Variants in CFAP61 observed in about 807,000 individuals in gnomAD.
CFAP61 encodes cilia and flagella associated protein 61, also known as cilia- and flagella-associated protein 61.
A neutral mutation model predicts 135.6 loss-of-function variants in CFAP61; 107 were observed. The ratio of observed to expected loss-of-function variants is 0.79; its 90% CI spans 0.67 to 0.93. The LOEUF (loss-of-function observed/expected upper bound fraction) is 0.93. CFAP61 is among the 40% of genes least tolerant of loss of function. CFAP61 has a pLI of 0.00. For synonymous variants in CFAP61, 575 were observed against 578.5 expected (o/e 0.99, Z 0.09); for missense variants, 1,507 against 1,556.2 (o/e 0.97, Z 0.53).
rs150337867 is a variant in CFAP61 at position 20,079,632 on chromosome 20, A to T, written c.566+4017A>T. ...GAGCGGGGCAGCATGTCTCTTAACGAAGTTCACCAAGAAGCAGATGAACTT... is the reference window on the plus strand; with the variant it reads ...GAGCGGGGCAGCATGTCTCTTAACGTAGTTCACCAAGAAGCAGATGAACTT... On this transcript the variant is annotated intron_variant, in intron 6 of 26. Transcript: ENST00000245957. Among the ~76,000 whole-genome samples, 880 of 152,274 alleles carry T rather than the reference A, an allele frequency of 5.8e-3. 6 individuals are homozygous for T. Among genetic ancestry groups the T allele is most frequent in the African/African-American group, 0.02 (828 of 41,546 alleles).
intron 26 of CFAP61, among the ~76,000 whole-genome samples, chr20:20,351,958 C>T (rs553864296): frequency 9.3e-5 from 14 of 151,116 alleles, no homozygotes; most frequent in South Asian, 2.1e-4. Flanking sequence ...AAAAAAAAAA[C>T]GGAAGGCATA....
chr20:20,150,370 G>A (rs2052300384), intron 9 of CFAP61, among the ~76,000 whole-genome samples: 1 of 152,138 alleles, frequency 6.6e-6, no homozygotes, highest in Admixed American at 6.5e-5. Context: ...GGCCAACACA[G>A]GGCAAGCTTA....
In CFAP61 at chr20:20,052,833, T is replaced by G. The variant is rs1568774648; in HGVS notation, c.-37+242T>G. On this transcript the variant is annotated intron_variant, in intron 1 of 26. Transcript: ENST00000245957. Reference sequence around the variant, plus strand: ...TGCGACGGGGCGAGCTGCCGCCCTTTTAGGCTGCAATGCCTCGAGCATTGC... The same window carrying G: ...TGCGACGGGGCGAGCTGCCGCCCTTGTAGGCTGCAATGCCTCGAGCATTGC... The G allele has an allele frequency of 3.7e-6, 4 of 1,088,380 alleles. No individual in the cohort carries two copies. In the South Asian group the frequency reaches 4.7e-5, roughly 13 times the overall value. The allele number at this position is 1,088,380 out of a possible 1,614,324, so 67.4% of individuals were successfully genotyped here. A position where few individuals can be genotyped will look rare whatever the true frequency, so the allele number is the denominator to read the frequency against.
intron 7 of CFAP61, among the ~76,000 whole-genome samples, chr20:20,091,397 T>C (rs1375991330): frequency 1.3e-5 from 2 of 152,156 alleles, no homozygotes; most frequent in Non-Finnish European, 2.9e-5. Context: ...TAAAGAAAGT[T>C]TATAACTACC....
At chr20:20,198,807 G>A (rs779615318) in intron 16 of CFAP61, among the ~76,000 whole-genome samples, 9 of 152,130 alleles carry the variant, frequency 5.9e-5, no homozygotes, top group South Asian at 2.1e-4. Context: ...TAGAAGGGCC[G>A]GGGCTATTTT....
intron 9 of CFAP61, among the ~76,000 whole-genome samples, chr20:20,148,873 G>T (rs577156492): frequency 6.6e-6 from 1 of 152,150 alleles, no homozygotes; most frequent in African/African-American, 2.4e-5. Flanking sequence ...TCTTATTCCA[G>T]TTCTCAGAAG....
chr20:20,066,614 G>A (rs1253432278), intron 2 of CFAP61, among the ~76,000 whole-genome samples: 1 of 152,128 alleles, frequency 6.6e-6, no homozygotes, highest in Non-Finnish European at 1.5e-5. Context: ...ACTCATAAGT[G>A]GGAGTTGTAC....
rs559052859 is a variant in CFAP61, at chr20:20,266,925, A to G, written c.2503+3795A>G. On this transcript the variant is annotated intron_variant, in intron 21 of 26. Transcript: ENST00000245957. Reference sequence around the variant, plus strand: ...AGGACAGTCTCTCATACATAGAAAGAGTTTCATAGAGGCTGCCATTAGCAT... The same window carrying G: ...AGGACAGTCTCTCATACATAGAAAGGGTTTCATAGAGGCTGCCATTAGCAT... Among the ~76,000 whole-genome samples the G allele has an allele frequency of 9.2e-5, 14 of 152,296 alleles. No homozygotes were observed. The South Asian group carries it at 2.7e-3, about 29-fold the overall frequency.
chr20:20,329,877 G>A (rs1011983954), intron 25 of CFAP61, among the ~76,000 whole-genome samples: 7 of 152,242 alleles, frequency 4.6e-5, no homozygotes, highest in African/African-American at 9.7e-5. Context: ...AAGTGATGGC[G>A]GAGCTCCCGC....
chr20:20,280,430 G>C (rs570481943), intron 22 of CFAP61, among the ~76,000 whole-genome samples: 1 of 152,110 alleles, frequency 6.6e-6, no homozygotes, highest in Non-Finnish European at 1.5e-5. Flanking sequence ...CCCAGTTTGT[G>C]GTACTTCATT....
chr20:20,329,704 G>A (rs1053501032), intron 25 of CFAP61, among the ~76,000 whole-genome samples: 2 of 152,172 alleles, frequency 1.3e-5, no homozygotes, highest in African/African-American at 4.8e-5. Context: ...CCCCCACCTT[G>A]CATCCGACTG....
intron 6 of CFAP61, among the ~76,000 whole-genome samples, chr20:20,079,674 AC>A (rs1844363839): frequency 6.6e-6 from 1 of 152,220 alleles, no homozygotes; most frequent in South Asian, 2.1e-4. Flanking sequence ...CATATTATCT[AC>A]CTAATTTAGT....
chr20:20,321,945 C>A lies in CFAP61; in HGVS notation c.3423-19886C>A, dbSNP rs542891860. Reference sequence around the variant, plus strand: ...TGGCTTATAGAAGGCCATGCAGTGTCCAACTTGTTTGCTAGAATATTCCCT... The same window carrying A: ...TGGCTTATAGAAGGCCATGCAGTGTACAACTTGTTTGCTAGAATATTCCCT... On this transcript the variant is annotated intron_variant, in intron 25 of 26. Transcript: ENST00000245957. 2.0e-5 allele frequency among the ~76,000 whole-genome samples: 3 copies of A among 152,258 alleles called. No homozygotes were observed. In the East Asian group the frequency reaches 5.8e-4, roughly 29 times the overall value.
intron 25 of CFAP61, among the ~76,000 whole-genome samples, chr20:20,302,450 T>C (rs1242825127): frequency 6.6e-6 from 1 of 152,090 alleles, no homozygotes; most frequent in Non-Finnish European, 1.5e-5. Context: ...TCACCTAAAA[T>C]TGGGAGTTCA....
chr20:20,142,962 T>A lies in CFAP61; in HGVS notation c.951+14T>A, dbSNP rs774356257. The A allele has an allele frequency of 1.3e-6, 2 of 1,517,116 alleles. No individual in the cohort carries two copies. Among genetic ancestry groups the A allele is most frequent in the South Asian group, 2.4e-5 (2 of 84,274 alleles). 94.0% of individuals were successfully genotyped at this position (1,517,116 alleles called of 1,614,324 possible). On this transcript the variant is annotated intron_variant, in intron 9 of 26. Coordinates refer to ENST00000245957, the MANE Select transcript of CFAP61 (RefSeq NM_015585.4). The stretch of plus-strand genomic sequence containing the variant: ...GAAAACATCCAGGTGAGAGAGACTA[T>A]CCCTCCATGCCTAGGGTGGGGGGAT...
chr20:20,080,101 T>G (rs6081869), intron 6 of CFAP61, among the ~76,000 whole-genome samples: 45,205 of 152,030 alleles, frequency 0.3, 7,913 homozygotes, highest in South Asian at 0.38. Flanking sequence ...ACTAATTTTT[T>G]GGGGAGATGG....
chr20:20,298,461 TG>T, intron 25 of CFAP61, 75 bp downstream of exon 25: 1 of 1,316,432 alleles, frequency 7.6e-7, no homozygotes, highest in South Asian at 1.3e-5. Context: ...GGACATGTGT[TG>T]TGATGCACCC....
intron 8 of CFAP61, among the ~76,000 whole-genome samples, chr20:20,109,840 C>G (rs920949859): frequency 6.6e-6 from 1 of 151,746 alleles, no homozygotes; most frequent in African/African-American, 2.4e-5. Flanking sequence ...ATTTTGTGAC[C>G]TCTTTCTCCT....
intron 6 of CFAP61, chr20:20,085,334 TTGAGA>T: frequency 8.1e-7 from 1 of 1,239,870 alleles, no homozygotes; most frequent in South Asian, 1.5e-5. Context: ...CATATGCCAT[TTGAGA>T]CTATGTGAGG....
Sources: allele counts gnomAD v4.1 joint callset (sites outside exome capture counted in the v4.1 genomes callset), GRCh38; gene constraint gnomAD v4.1.1; transcripts MANE v1.5; gene names NCBI Gene and HGNC (gene_info 2026-07-23, HGNC 2026-07-21).